The following PCCA variants were observed in gnomAD, a reference collection of about 807,000 sequenced individuals.
The protein encoded by PCCA is propionyl-CoA carboxylase subunit alpha, also known as propionyl-CoA carboxylase alpha chain, mitochondrial.
PCCA carries 74 observed loss-of-function variants against 101.3 expected under a neutral mutation model. The observed-to-expected ratio is 0.73, with a 90% CI of 0.61 to 0.89. The LOEUF is 0.89. Among genes scored for constraint, PCCA ranks in the 40% least tolerant of loss-of-function variants. PCCA has a pLI of 0.00. For missense variants in PCCA, 891 were observed against 907.0 expected, an observed-to-expected ratio of 0.98 and a Z score of 0.23; for synonymous variants, 294 against 313.6, an observed-to-expected ratio of 0.94 and a Z score of 0.66.
chr13:100,154,537 A>G (rs1232208861), intron 4 of PCCA: 1 of 234,652 alleles, frequency 4.3e-6, no homozygotes, highest in Non-Finnish European at 8.4e-6. Context: ...GTGCAGGGAC[A>G]CTCACTGCAT....
At chr13:100,271,606 C>G (rs769588620) in intron 11 of PCCA, among the ~76,000 whole-genome samples, 8 of 152,096 alleles carry the variant, frequency 5.3e-5, no homozygotes, top group Non-Finnish European at 8.8e-5. Flanking sequence ...ATACAAAAGC[C>G]AATCAAATGC....
intron 21 of PCCA, among the ~76,000 whole-genome samples, chr13:100,455,274 G>A (rs1206732440): frequency 3.3e-5 from 5 of 152,292 alleles, no homozygotes; most frequent in East Asian, 1.9e-4. Context: ...TTTTAAAAAC[G>A]TAACCATTAG....
chr13:100,258,466 A>G (rs2062225937), intron 9 of PCCA, among the ~76,000 whole-genome samples: 1 of 152,200 alleles, frequency 6.6e-6, no homozygotes, highest in Non-Finnish European at 1.5e-5. Flanking sequence ...TTTGCAAGAG[A>G]TGTGTATTTT....
At chr13:100,149,333 A>G (rs1197786858) in intron 4 of PCCA, 1 of 151,764 alleles carries the variant, frequency 6.6e-6, no homozygotes, top group Non-Finnish European at 1.5e-5. Context: ...CATCTTAACT[A>G]TTTTTAAGTG....
chr13:100,458,423 GCACACACACACACACATACACACACA>G (rs1373666226), intron 21 of PCCA, among the ~76,000 whole-genome samples: 1 of 89,634 alleles, frequency 1.1e-5, no homozygotes, highest in Non-Finnish European at 2.0e-5. Context: ...ATCTCTGCGC[GCACACACACACACACATACACACACA>G]CACACACACA....
At chr13:100,354,268 G>C (rs1297756944) in intron 18 of PCCA, among the ~76,000 whole-genome samples, 2 of 147,930 alleles carry the variant, frequency 1.4e-5, no homozygotes, top group Admixed American at 1.4e-4. Flanking sequence ...GACAGAGTGA[G>C]ACCCTGTTGA....
At chr13:100,492,219 C>G (rs1379073647) in intron 21 of PCCA, among the ~76,000 whole-genome samples, 1 of 152,034 alleles carries the variant, frequency 6.6e-6, no homozygotes, top group Non-Finnish European at 1.5e-5. Context: ...ACTGCAAGCT[C>G]CACCTCCCAG....
intron 6 of PCCA, among the ~76,000 whole-genome samples, chr13:100,164,583 A>T: frequency 6.6e-6 from 1 of 152,264 alleles, no homozygotes; most frequent in Non-Finnish European, 1.5e-5. Context: ...AATTCATGTA[A>T]TCAACTTTCA....
At chr13:100,410,760 C>CT (rs1321404836) in intron 19 of PCCA, among the ~76,000 whole-genome samples, 7 of 152,202 alleles carry the variant, frequency 4.6e-5, no homozygotes, top group Admixed American at 3.3e-4. Flanking sequence ...CTAGCACACT[C>CT]TTTTTTTTCC....
At chr13:100,432,543 G>A (rs1273774255) in intron 20 of PCCA, among the ~76,000 whole-genome samples, 1 of 152,210 alleles carries the variant, frequency 6.6e-6, no homozygotes, top group African/African-American at 2.4e-5. Flanking sequence ...TAGGTTGGAG[G>A]ACCAGATAGT....
chr13:100,529,828 C>T (rs552332239), intron 23 of PCCA, among the ~76,000 whole-genome samples: 5 of 152,122 alleles, frequency 3.3e-5, no homozygotes, highest in East Asian at 1.9e-4. Context: ...GCAAATGCTC[C>T]GGAGAGTAGC....
chr13:100,205,236 A>G (rs1213216365), intron 6 of PCCA, among the ~76,000 whole-genome samples: 1 of 152,188 alleles, frequency 6.6e-6, no homozygotes, highest in South Asian at 2.1e-4. Flanking sequence ...TCTAAGTCAC[A>G]CCGCTGCCTG....
intron 19 of PCCA, among the ~76,000 whole-genome samples, chr13:100,393,091 A>G (rs1484661904): frequency 2.0e-5 from 3 of 152,226 alleles, no homozygotes; most frequent in South Asian, 2.1e-4. Flanking sequence ...ATGTCTCTCT[A>G]TGTATGTTGA....
chr13:100,276,315 C>T (rs893858952), intron 12 of PCCA, among the ~76,000 whole-genome samples: 1 of 148,968 alleles, frequency 6.7e-6, no homozygotes, highest in Non-Finnish European at 1.5e-5. Flanking sequence ...TCTGGTGAGA[C>T]TTCCCCACTC....
chr13:100,415,311 G>T (rs1458963345), intron 19 of PCCA, among the ~76,000 whole-genome samples: 1 of 152,056 alleles, frequency 6.6e-6, no homozygotes, highest in Non-Finnish European at 1.5e-5. Context: ...ACCCGCTGAT[G>T]TGGGCAAATT....
chr13:100,487,179 A>G (rs2084447984), intron 21 of PCCA, among the ~76,000 whole-genome samples: 2 of 152,234 alleles, frequency 1.3e-5, no homozygotes, highest in Admixed American at 6.5e-5. Flanking sequence ...CCTCAGCAGT[A>G]TTACTGATAA....
At position 100,216,702 on chromosome 13, in the gene PCCA, A is replaced by G. The variant is rs545122852; in HGVS notation, c.600+7239A>G. ...AAACCAAAAACCAAGAGAAAAAATT[A>G]AAAGACAATAGAAACATATCCACAT... On this transcript the variant is annotated intron_variant, in intron 7 of 23. Transcript: ENST00000376285. Among the ~76,000 whole-genome samples, 5 of 152,336 alleles carry G rather than the reference A, an allele frequency of 3.3e-5. No homozygotes were observed. In the East Asian group the frequency reaches 9.6e-4, roughly 29 times the overall value.
intron 21 of PCCA, among the ~76,000 whole-genome samples, chr13:100,508,714 T>G (rs1401741610): frequency 6.6e-6 from 1 of 152,160 alleles, no homozygotes; most frequent in South Asian, 2.1e-4. Context: ...AAGGCTCTAG[T>G]GTAAAAAGGT....
intron 19 of PCCA, among the ~76,000 whole-genome samples, chr13:100,407,244 A>G (rs535801293): frequency 3.3e-5 from 5 of 152,360 alleles, no homozygotes; most frequent in African/African-American, 9.6e-5. Context: ...TGGCAATCCC[A>G]TGTAAACTAA....
Sources: allele counts gnomAD v4.1 joint callset (sites outside exome capture counted in the v4.1 genomes callset), GRCh38; gene constraint gnomAD v4.1.1; transcripts MANE v1.5; gene names NCBI Gene and HGNC (gene_info 2026-07-23, HGNC 2026-07-21).